PPM1E: variants seen among roughly 807,000 people sequenced by gnomAD.
The protein encoded by PPM1E is protein phosphatase, Mg2+/Mn2+ dependent 1E, also known as protein phosphatase 1E.
A neutral mutation model predicts 65.9 loss-of-function variants in PPM1E; 20 were observed. The observed-to-expected ratio is 0.30, with a 90% CI of 0.21 to 0.44. The LOEUF (loss-of-function observed/expected upper bound fraction) is 0.44. PPM1E is among the 20% of genes least tolerant of loss of function. The pLI, the probability that PPM1E is intolerant of heterozygous loss-of-function variation, is 1.00. For synonymous variants in PPM1E, 352 were observed against 374.9 expected (o/e 0.94, Z 0.70); for missense variants, 713 against 953.1 (o/e 0.75, Z 3.32).
At position 58,955,737 on chromosome 17, in the gene PPM1E, A is replaced by C; in HGVS notation, c.553A>C (p.Lys185Gln). 6.2e-7 allele frequency: 1 copy of C among 1,611,474 alleles called. No individual in the cohort carries two copies. Among genetic ancestry groups the C allele is most frequent in the African/African-American group, 1.3e-5 (1 of 74,908 alleles). The change falls in exon 2 of 7, where the codon AAG becomes CAG. Residue 185 changes from lysine to glutamine, a missense_variant. Transcript: ENST00000308249. ...TGATCTTTCTGCACATTATATCCCA[A>C]AGGAAACGGATGGCACAGAAGGGAC... The part of the protein sequence containing the change: ...QSDLSAHYIP[K>Q]ETDGTEGTVE...
intron 1 of PPM1E, among the ~76,000 whole-genome samples, chr17:58,916,913 G>C (rs548804590): frequency 6.6e-6 from 1 of 152,122 alleles, no homozygotes; most frequent in South Asian, 2.1e-4. Flanking sequence ...CTCAGTAACT[G>C]TAAGAACTAT....
chr17:58,947,060 C>T (rs1383919084), intron 1 of PPM1E, among the ~76,000 whole-genome samples: 2 of 148,878 alleles, frequency 1.3e-5, no homozygotes, highest in African/African-American at 2.5e-5. Context: ...CCAATTTTTC[C>T]AGCACCATTT....
chr17:58,818,125 G>GA (rs1248288632), intron 1 of PPM1E, among the ~76,000 whole-genome samples: 2 of 151,884 alleles, frequency 1.3e-5, no homozygotes, highest in African/African-American at 2.4e-5. Flanking sequence ...TATTAAACAG[G>GA]AAAAAAATGA....
In PPM1E at chr17:58,852,964, G is replaced by A. The variant is rs374018332; in HGVS notation, c.464+96503G>A. 2.0e-5 allele frequency among the ~76,000 whole-genome samples: 3 copies of A among 151,948 alleles called. No homozygotes were observed. The South Asian group carries it at 6.3e-4, about 32-fold the overall frequency. On this transcript the variant is annotated intron_variant, in intron 1 of 6. Coordinates refer to ENST00000308249, the MANE Select transcript of PPM1E (RefSeq NM_014906.5). ...AAGTCATTTGCCCACTTTTTAATTG[G>A]GTGGTTTGGTTTTTATATTGTTGAG...
chr17:58,761,003 A>G (rs1375498586), intron 1 of PPM1E, among the ~76,000 whole-genome samples: 1 of 152,240 alleles, frequency 6.6e-6, no homozygotes, highest in Non-Finnish European at 1.5e-5. Flanking sequence ...GAATGTGTGG[A>G]TGTATGGAAA....
chr17:58,940,029 G>A (rs950338455), intron 1 of PPM1E, among the ~76,000 whole-genome samples: 4 of 152,178 alleles, frequency 2.6e-5, no homozygotes, highest in Non-Finnish European at 5.9e-5. Flanking sequence ...TCAACACAAT[G>A]ACATTTATAA....
chr17:58,868,770 G>C (rs933212592), intron 1 of PPM1E, among the ~76,000 whole-genome samples: 5 of 151,900 alleles, frequency 3.3e-5, no homozygotes, highest in African/African-American at 1.2e-4. Context: ...TAGGGTATGG[G>C]TACGTTCAGC....
chr17:58,964,659 A>T (rs1321286433), intron 2 of PPM1E, among the ~76,000 whole-genome samples: 1 of 152,228 alleles, frequency 6.6e-6, no homozygotes, highest in Non-Finnish European at 1.5e-5. Flanking sequence ...ATTTTTCCTT[A>T]GAGTAGTATT....
intron 1 of PPM1E, among the ~76,000 whole-genome samples, chr17:58,809,507 C>T (rs2143088745): frequency 6.6e-6 from 1 of 152,260 alleles, no homozygotes; most frequent in East Asian, 1.9e-4. Context: ...TTCAGCCTCC[C>T]AAGGTAGCTA....
At chr17:58,795,243 A>G (rs1268705271) in intron 1 of PPM1E, among the ~76,000 whole-genome samples, 1 of 152,184 alleles carries the variant, frequency 6.6e-6, no homozygotes, top group Non-Finnish European at 1.5e-5. Context: ...TATATACTCA[A>G]TAATGGGATT....
intron 1 of PPM1E, among the ~76,000 whole-genome samples, chr17:58,859,648 T>TTTC (rs1185799896): frequency 6.6e-6 from 1 of 152,226 alleles, no homozygotes; most frequent in South Asian, 2.1e-4. Context: ...AGTTAAAGTA[T>TTTC]TTCATTGAGC....
At chr17:58,964,487 A>AATAGGTGAAGCGGTAGAC (rs879778182) in intron 2 of PPM1E, among the ~76,000 whole-genome samples, 15 of 152,200 alleles carry the variant, frequency 9.9e-5, no homozygotes, top group South Asian at 6.2e-4. Flanking sequence ...AATTCTACCC[A>AATAGGTGAAGCGGTAGAC]ATAGGTGAAG....
At chr17:58,975,878 C>T (rs925420172) in intron 6 of PPM1E, among the ~76,000 whole-genome samples, 1 of 151,910 alleles carries the variant, frequency 6.6e-6, no homozygotes, top group Non-Finnish European at 1.5e-5. Context: ...ATGAGGAGAG[C>T]TAAAAAGGAA....
chr17:58,825,227 C>T (rs2050522392), intron 1 of PPM1E, among the ~76,000 whole-genome samples: 1 of 37,834 alleles, frequency 2.6e-5, no homozygotes, highest in South Asian at 1.2e-3. Context: ...CACACACTCA[C>T]ACACACACAC....
intron 1 of PPM1E, among the ~76,000 whole-genome samples, chr17:58,868,229 C>T (rs1022705977): frequency 3.9e-5 from 6 of 152,090 alleles, no homozygotes; most frequent in Admixed American, 2.0e-4. Context: ...ACTCAGGAGG[C>T]TCAGGCTTGA....
chr17:58,778,245 G>C (rs532248581), intron 1 of PPM1E, among the ~76,000 whole-genome samples: 5 of 151,880 alleles, frequency 3.3e-5, no homozygotes, highest in South Asian at 2.1e-4. Flanking sequence ...AATTACAGGC[G>C]TGTGCCACCA....
At chr17:58,888,364 T>C (rs1235777280) in intron 1 of PPM1E, among the ~76,000 whole-genome samples, 18 of 140,514 alleles carry the variant, frequency 1.3e-4, no homozygotes, top group South Asian at 4.6e-4. Context: ...TCTTCTCTCT[T>C]TTTTTTTTTT....
intron 1 of PPM1E, among the ~76,000 whole-genome samples, chr17:58,854,405 T>C (rs2050860182): frequency 6.6e-6 from 1 of 152,180 alleles, no homozygotes; most frequent in Non-Finnish European, 1.5e-5. Flanking sequence ...TTTTACTTCT[T>C]TTTCTTGCCT....
chr17:58,816,794 A>AT (rs71367634), intron 1 of PPM1E, among the ~76,000 whole-genome samples: 48 of 16,652 alleles, frequency 2.9e-3, no homozygotes, highest in East Asian at 4.7e-3. Context: ...ATATATATAT[A>AT]TTTTTTTTTT....
Sources: gnomAD v4.1 joint callset for allele counts (sites outside exome capture counted in the v4.1 genomes callset) on GRCh38, gnomAD v4.1.1 for gene constraint, MANE v1.5 for transcripts, NCBI Gene and HGNC (gene_info 2026-07-23, HGNC 2026-07-21) for gene names.